Variants in OPTN observed in about 807,000 individuals in gnomAD.
OPTN encodes the protein E3-14.7K-interacting protein.
Under a neutral mutation model 70.4 loss-of-function variants are expected in OPTN, and 54 were observed. That is an observed-to-expected ratio of 0.77 (90% CI 0.62 to 0.96). OPTN has a LOEUF of 0.96. Ranked by LOEUF, OPTN falls within the 40% of genes least tolerant of loss-of-function variation. OPTN has a pLI of 0.00. For missense variants in OPTN, 624 were observed against 673.2 expected (o/e 0.93, Z 0.81); for synonymous variants, 256 against 248.5 (o/e 1.03, Z -0.28).
intron 13 of OPTN, among the ~76,000 whole-genome samples, chr10:13,132,885 T>C (rs946093883): frequency 2.6e-5 from 4 of 152,200 alleles, no homozygotes; most frequent in Admixed American, 2.6e-4. Context: ...CCTTCCTGCA[T>C]TGACAACTGC....
chr10:13,122,814 TTACAGGTGCCCGTCACCACGC>T, intron 8 of OPTN: 1 of 328,482 alleles, frequency 3.0e-6, no homozygotes, highest in South Asian at 2.8e-5. Context: ...GTAGCTGGGA[TTACAGGTGCCCGTCACCACGC>T]CTGGCTAATT....
chr10:13,132,601 C>T (rs1175922118), intron 13 of OPTN, among the ~76,000 whole-genome samples: 1 of 152,072 alleles, frequency 6.6e-6, no homozygotes, highest in African/African-American at 2.4e-5. Context: ...ACTGCAGCCT[C>T]AACTTCCTGA....
At chr10:13,126,223 T>TAA (rs1361798612) in intron 11 of OPTN, among the ~76,000 whole-genome samples, 184 bp downstream of exon 11, 3 of 152,190 alleles carry the variant, frequency 2.0e-5, no homozygotes, top group Non-Finnish European at 4.4e-5. Context: ...TGTAATGTGC[T>TAA]TTATTGCGTA....
In OPTN at chr10:13,125,511, A is replaced by G. The variant is rs370413251; in HGVS notation, c.1092A>G (p.Gln364=). 36 of 1,614,196 alleles carry G rather than the reference A, an allele frequency of 2.2e-5. No homozygotes were observed. Among genetic ancestry groups the G allele is most frequent in the Non-Finnish European group, 3.1e-5 (36 of 1,180,016 alleles). Residue 364 remains glutamine, a synonymous_variant, in exon 10 of 15, where the codon CAA becomes CAG. Coordinates refer to ENST00000378747, the MANE Select transcript of OPTN (RefSeq NM_001008212.2). ...ATACTAACAAAAAGTTAGAGCTACA[A>G]GTGGAAAGCATGCTATCAGAAATCA... ...LVYTNKKLEL[Q]VESMLSEIKM...
chr10:13,136,334 C>A (rs1833698177), intron 14 of OPTN, among the ~76,000 whole-genome samples: 1 of 151,832 alleles, frequency 6.6e-6, no homozygotes, highest in Admixed American at 6.6e-5. Context: ...ATGGCAAAAC[C>A]ACATCTCTAC....
At chr10:13,117,738 C>T (rs904633914) in intron 6 of OPTN, among the ~76,000 whole-genome samples, 5 of 152,290 alleles carry the variant, frequency 3.3e-5, no homozygotes, top group South Asian at 4.1e-4. Flanking sequence ...TGAGCCACTG[C>T]GCCCAGCTAT....
chr10:13,130,004 T>A lies in OPTN; in HGVS notation c.1402-2063T>A, dbSNP rs141992587. 3.7e-3 allele frequency among the ~76,000 whole-genome samples: 562 copies of A among 152,352 alleles called. 3 individuals are homozygous for A. The highest frequency in any genetic ancestry group is 7.9e-3 in the Admixed American group (121 of 15,308). The stretch of plus-strand genomic sequence containing the variant: ...CAGAGCATTTCCTTGCTTGGGTAAC[T>A]CATGTCATTGGGTTCTTCCACTCTG... On this transcript the variant is annotated intron_variant, in intron 12 of 14. Transcript: ENST00000378747.
chr10:13,107,376 ACC>A (rs1203327220), intron 1 of OPTN, among the ~76,000 whole-genome samples: 1 of 147,022 alleles, frequency 6.8e-6, no homozygotes, highest in Non-Finnish European at 1.5e-5. Context: ...CTCTCAAAAA[ACC>A]AAAACAGTCT....
Position 13,132,243 on chromosome 10 carries a change from C to T in OPTN, c.1532+46C>T, listed in dbSNP as rs200701803. On this transcript the variant is annotated intron_variant, in intron 13 of 14. Transcript: ENST00000378747. ...GACCCAGAGCTCACATCAGCATGGC[C>T]GTAGAAGAGGTGCCTGTCCAAAGAC... 27 of 1,603,688 alleles carry T rather than the reference C, an allele frequency of 1.7e-5. No homozygotes were observed. In the East Asian group the frequency reaches 2.7e-4, roughly 16 times the overall value.
rs139047602 is a variant in OPTN, at chr10:13,102,712, G to C, written c.-164+2410G>C. The stretch of plus-strand genomic sequence containing the variant: ...AATCCCAGCACTTAGGGAGGCCGAG[G>C]TGGGTGGATCACTTGAGATCAGGAG... On this transcript the variant is annotated intron_variant, in intron 1 of 14. Transcript: ENST00000378747. Among the ~76,000 whole-genome samples, 145 of 152,284 alleles carry C rather than the reference G, an allele frequency of 9.5e-4. 2 individuals carry two copies. The East Asian group carries it at 0.024, about 26-fold the overall frequency.
chr10:13,110,142 C>A (rs1172630459), intron 3 of OPTN, 132 bp from the exon 4 acceptor site: 2 of 1,522,542 alleles, frequency 1.3e-6, no homozygotes, highest in Admixed American at 4.1e-5. Context: ...TGCTGCTGAC[C>A]CTTGGGCCAA....
chr10:13,126,502 G>C lies in OPTN; in HGVS notation c.1242+463G>C, dbSNP rs537480410. Among the ~76,000 whole-genome samples, 9 of 149,618 alleles carry C rather than the reference G, an allele frequency of 6.0e-5. No individual in the cohort carries two copies. In the South Asian group the frequency reaches 1.9e-3, roughly 32 times the overall value. On this transcript the variant is annotated intron_variant, in intron 11 of 14. Transcript: ENST00000378747. ...TCACCTTGTTAGCCAGGATGGTCTC[G>C]ATCTCCTGACCTCGTGATCCACCCG...
chr10:13,124,503 A>G (rs1004764603), intron 9 of OPTN, among the ~76,000 whole-genome samples: 19 of 152,234 alleles, frequency 1.2e-4, no homozygotes, highest in African/African-American at 4.3e-4. Context: ...GTCAATTTCA[A>G]TTTGTTATTT....
intron 8 of OPTN, chr10:13,123,276 C>T (rs935477113): frequency 2.0e-5 from 3 of 152,610 alleles, no homozygotes; most frequent in Non-Finnish European, 4.4e-5. Context: ...CTTCAGCTTT[C>T]GGAAGTTAAT....
intron 11 of OPTN, among the ~76,000 whole-genome samples, chr10:13,126,891 G>A (rs1833478682): frequency 6.6e-6 from 1 of 152,142 alleles, no homozygotes; most frequent in Non-Finnish European, 1.5e-5. Flanking sequence ...CAAGTGTGAT[G>A]TTCGTGCCTG....
rs761224831 is a variant in OPTN at position 13,118,894 on chromosome 10, G to A, written c.633G>A (p.Leu211=). The A allele has an allele frequency of 6.2e-7, 1 of 1,614,034 alleles. No homozygotes were observed. Among genetic ancestry groups the A allele is most frequent in the East Asian group, 2.2e-5 (1 of 44,880 alleles). ...TAACCTTTATACTGAACAGGGCATT[G>A]TCTAAATATAGGAGCAGATCTGCAG... The part of the protein sequence containing the change: ...PTRTVSTGTA[L]SKYRSRSADG... Residue 211 remains leucine (L), a synonymous_variant, in exon 7 of 15, where the codon TTG becomes TTA. Transcript: ENST00000378747.
chr10:13,125,334 T>C, intron 9 of OPTN, 84 bp from the exon 10 acceptor site: 2 of 1,456,534 alleles, frequency 1.4e-6, no homozygotes, highest in Non-Finnish European at 9.6e-7. Flanking sequence ...ATTCTTATAT[T>C]GTACATAACC....
chr10:13,107,627 C>T (rs1321811564), intron 1 of OPTN, among the ~76,000 whole-genome samples: 3 of 151,852 alleles, frequency 2.0e-5, no homozygotes, highest in Admixed American at 6.6e-5. Flanking sequence ...GTAATCTGCC[C>T]GCCTCAGCCT....
intron 4 of OPTN, among the ~76,000 whole-genome samples, chr10:13,111,112 A>C (rs1301167135): frequency 6.6e-6 from 1 of 152,176 alleles, no homozygotes; most frequent in African/African-American, 2.4e-5. Context: ...GTGGTTTGTT[A>C]AGGAGTCCTC....
Sources: gnomAD v4.1 joint callset for allele counts (sites outside exome capture counted in the v4.1 genomes callset) on GRCh38, gnomAD v4.1.1 for gene constraint, MANE v1.5 for transcripts, NCBI Gene and HGNC (gene_info 2026-07-23, HGNC 2026-07-21) for gene names.